The following CNBD1 variants were observed in gnomAD, a reference collection of about 807,000 sequenced individuals.
The protein encoded by CNBD1 is cyclic nucleotide binding domain containing 1.
A neutral mutation model predicts 54.4 loss-of-function variants in CNBD1; 71 were observed. The ratio of observed to expected loss-of-function variants is 1.30; its 90% CI spans 1.08 to 1.59. The LOEUF (loss-of-function observed/expected upper bound fraction) is 1.59. Among genes scored for constraint, CNBD1 ranks in the 40% most tolerant of loss-of-function variants. The probability of loss-of-function intolerance (pLI) is 0.00; values close to 1 mark genes in which losing one functional copy is unlikely to be tolerated. For synonymous variants in CNBD1, 182 were observed against 170.7 expected (o/e 1.07, Z -0.51); for missense variants, 659 against 518.0 (o/e 1.27, Z -2.64).
chr8:86,958,043 A>C (rs1586161968), intron 4 of CNBD1, among the ~76,000 whole-genome samples: 1 of 152,256 alleles, frequency 6.6e-6, no homozygotes, highest in South Asian at 2.1e-4. Flanking sequence ...TGTTCACATT[A>C]GTTTCAAAGA....
At chr8:87,095,835 T>G (rs1046303460) in intron 4 of CNBD1, among the ~76,000 whole-genome samples, 4 of 152,168 alleles carry the variant, frequency 2.6e-5, no homozygotes, top group African/African-American at 9.7e-5. Flanking sequence ...TTTTTTGTAT[T>G]TTTAGTAGAG....
At chr8:87,319,500 C>G (rs1382939218) in intron 8 of CNBD1, among the ~76,000 whole-genome samples, 1 of 151,952 alleles carries the variant, frequency 6.6e-6, no homozygotes, top group Non-Finnish European at 1.5e-5. Flanking sequence ...CCTATATGAA[C>G]TTTATTTGAA....
In CNBD1 at chr8:87,017,761, G is replaced by T. The variant is rs192503600; in HGVS notation, c.431+78007G>T. Reference sequence around the variant, plus strand: ...ATGTATATATATTTTCTTTTATTTGGGGAAAGTATGTTTTTATAGGCAAAT... The same window carrying T: ...ATGTATATATATTTTCTTTTATTTGTGGAAAGTATGTTTTTATAGGCAAAT... On this transcript the variant is annotated intron_variant, in intron 4 of 10. Coordinates refer to ENST00000518476, the MANE Select transcript of CNBD1 (RefSeq NM_173538.3). Among the ~76,000 whole-genome samples the T allele has an allele frequency of 2.0e-5, 3 of 152,070 alleles. No homozygotes were observed. The East Asian group carries it at 5.8e-4, about 29-fold the overall frequency.
At chr8:87,388,687 T>C (rs997880583) in intron 2 of CNBD1, among the ~76,000 whole-genome samples, 4 of 152,200 alleles carry the variant, frequency 2.6e-5, no homozygotes, top group Non-Finnish European at 5.9e-5. Flanking sequence ...GAGGAGCTGG[T>C]ACCATTCCTT....
chr8:87,426,085 G>A (rs1808042925), intron 2 of CNBD1, among the ~76,000 whole-genome samples: 2 of 152,194 alleles, frequency 1.3e-5, no homozygotes, highest in Admixed American at 6.5e-5. Flanking sequence ...GATTCTCCAG[G>A]TGCCGTCCAT....
chr8:87,351,856 AC>A, intron 9 of CNBD1, 62 bp downstream of exon 9: 1 of 1,321,660 alleles, frequency 7.6e-7, no homozygotes. Context: ...AGTGTCAGAT[AC>A]CTTTTCATGT....
At chr8:87,149,900 G>A (rs1236407203) in intron 4 of CNBD1, among the ~76,000 whole-genome samples, 1 of 152,172 alleles carries the variant, frequency 6.6e-6, no homozygotes, top group South Asian at 2.1e-4. Context: ...TAGAGGCTGG[G>A]TGCGGTGGCT....
At chr8:87,265,844 A>G (rs1808245259) in intron 6 of CNBD1, among the ~76,000 whole-genome samples, 1 of 152,128 alleles carries the variant, frequency 6.6e-6, no homozygotes, top group African/African-American at 2.4e-5. Context: ...ACCTCTCTAA[A>G]TGGAAACTAC....
intron 4 of CNBD1, among the ~76,000 whole-genome samples, chr8:87,056,366 C>T (rs1027888459): frequency 3.3e-5 from 5 of 152,152 alleles, no homozygotes; most frequent in Non-Finnish European, 7.3e-5. Flanking sequence ...CACAACTGTA[C>T]AGCCTTACAG....
At chr8:86,986,958 GTTC>G (rs1172568205) in intron 4 of CNBD1, among the ~76,000 whole-genome samples, 2 of 152,016 alleles carry the variant, frequency 1.3e-5, no homozygotes, top group African/African-American at 4.8e-5. Context: ...CTCCAGCTTT[GTTC>G]TTCTTGCTTA....
chr8:87,351,644 A>C (rs1810296350), intron 8 of CNBD1, 41 bp from the exon 9 acceptor site: 1 of 1,429,576 alleles, frequency 7.0e-7, no homozygotes, highest in Admixed American at 3.5e-5. Flanking sequence ...AATTTATTAA[A>C]GACAAGAATG....
chr8:87,134,106 A>G (rs1313714373), intron 4 of CNBD1, among the ~76,000 whole-genome samples: 2 of 152,208 alleles, frequency 1.3e-5, no homozygotes, highest in African/African-American at 4.8e-5. Context: ...TGTTCATAAA[A>G]CATATTGGAA....
At chr8:86,912,869 T>A (rs1283883986) in intron 3 of CNBD1, among the ~76,000 whole-genome samples, 1 of 152,166 alleles carries the variant, frequency 6.6e-6, no homozygotes, top group Non-Finnish European at 1.5e-5. Context: ...GTGATATCAA[T>A]GATCCTGACC....
intron 7 of CNBD1, among the ~76,000 whole-genome samples, chr8:87,285,838 C>T (rs1808687040): frequency 6.6e-6 from 1 of 152,100 alleles, no homozygotes; most frequent in Non-Finnish European, 1.5e-5. Flanking sequence ...CCATTGCACT[C>T]CAGCCTGGGC....
chr8:86,886,797 AT>A (rs199706136), intron 1 of CNBD1, among the ~76,000 whole-genome samples: 29 of 151,522 alleles, frequency 1.9e-4, no homozygotes, highest in East Asian at 9.7e-4. Context: ...AGTATTTATT[AT>A]TTTTTTTTAC....
intron 6 of CNBD1, among the ~76,000 whole-genome samples, chr8:87,262,407 T>C (rs1049240112): frequency 1.3e-5 from 2 of 152,186 alleles, no homozygotes; most frequent in African/African-American, 4.8e-5. Context: ...GAATTGTTTT[T>C]TCTAGGTGTG....
intron 4 of CNBD1, among the ~76,000 whole-genome samples, chr8:87,146,597 A>G (rs539712654): frequency 1.3e-5 from 2 of 152,192 alleles, no homozygotes; most frequent in Admixed American, 6.5e-5. Context: ...TGACCTCTCC[A>G]TTTGGTGAGC....
rs1316108658 is a variant in CNBD1 at position 87,126,416 on chromosome 8, G to T, written c.432-79577G>T. On this transcript the variant is annotated intron_variant, in intron 4 of 10. Transcript: ENST00000518476. ...GATAACTGGTGTTGAGCATCTTTCAGTGTATTCATTTCCCATCTGAACCTT... is the reference window on the plus strand; with the variant it reads ...GATAACTGGTGTTGAGCATCTTTCATTGTATTCATTTCCCATCTGAACCTT... Among the ~76,000 whole-genome samples the T allele has an allele frequency of 5.9e-5, 9 of 151,924 alleles. No individual in the cohort carries two copies. In the East Asian group the frequency reaches 1.7e-3, roughly 29 times the overall value.
intron 4 of CNBD1, among the ~76,000 whole-genome samples, chr8:87,198,208 A>T (rs1813761169): frequency 6.6e-6 from 1 of 152,218 alleles, no homozygotes; most frequent in South Asian, 2.1e-4. Context: ...GCCTTGAATC[A>T]TAGCAGCTAT....
Sources: gnomAD v4.1 joint callset for allele counts (sites outside exome capture counted in the v4.1 genomes callset) on GRCh38, gnomAD v4.1.1 for gene constraint, MANE v1.5 for transcripts, NCBI Gene and HGNC (gene_info 2026-07-23, HGNC 2026-07-21) for gene names.